The following DPEP1 variants were observed in gnomAD, a reference collection of about 807,000 sequenced individuals.
DPEP1 encodes the protein dipeptidase 1, also known as beta-lactamase.
DPEP1 carries 50 observed loss-of-function variants against 42.3 expected under a neutral mutation model. That is an observed-to-expected ratio of 1.18 (90% CI 0.94 to 1.50). DPEP1 has a LOEUF of 1.50. Ranked by LOEUF, DPEP1 falls within the 40% of genes most tolerant of loss-of-function variation. DPEP1 has a pLI of 0.00. For synonymous variants in DPEP1, 297 were observed against 234.0 expected, an observed-to-expected ratio of 1.27 and a Z score of -2.46; for missense variants, 663 against 553.0, an observed-to-expected ratio of 1.20 and a Z score of -1.99.
intron 1 of DPEP1, among the ~76,000 whole-genome samples, chr16:89,615,673 G>A (rs551541522): frequency 3.3e-5 from 5 of 152,302 alleles, no homozygotes; most frequent in South Asian, 2.1e-4. Flanking sequence ...CCAGGACCCC[G>A]CCTTGCAGGA....
intron 5 of DPEP1, 68 bp downstream of exon 5, chr16:89,636,751 C>T: frequency 6.3e-7 from 1 of 1,599,770 alleles, no homozygotes; most frequent in Non-Finnish European, 8.5e-7. Context: ...CTCCCTGCCA[C>T]CCTCCAGAGC....
At position 89,627,272 on chromosome 16, in the gene DPEP1, C is replaced by CAAA. The variant is rs751000812; in HGVS notation, c.-106-3018_-106-3016dup. 9.2e-3 allele frequency among the ~76,000 whole-genome samples: 741 copies of CAAA among 80,494 alleles called. 17 individuals carry two copies. Among genetic ancestry groups the CAAA allele is most frequent in the Admixed American group, 0.014 (97 of 6,690 alleles). The allele number at this position is 80,494 out of a possible 152,430, so 52.8% of individuals were successfully genotyped here. A position where few individuals can be genotyped will look rare whatever the true frequency, so the allele number is the denominator to read the frequency against. Reference sequence around the variant, plus strand: ...TGGGCAATAGAGTGAGACTCCGTCTCAAAAAAAAAAAAAAAAAGTCAGATG... The same window carrying CAAA: ...TGGGCAATAGAGTGAGACTCCGTCTCAAAAAAAAAAAAAAAAAAAAGTCAGATG... On this transcript the variant is annotated intron_variant, in intron 1 of 10. Coordinates refer to ENST00000690203, the MANE Select transcript of DPEP1 (RefSeq NM_001389466.1).
chr16:89,618,426 C>G (rs1227498444), intron 1 of DPEP1, among the ~76,000 whole-genome samples: 1 of 152,138 alleles, frequency 6.6e-6, no homozygotes, highest in African/African-American at 2.4e-5. Flanking sequence ...CTATGTTTCC[C>G]AGGCTGGTCT....
Position 89,638,296 on chromosome 16 carries a change from G to A in DPEP1, c.*74G>A. The A allele has an allele frequency of 6.8e-7, 1 of 1,464,392 alleles. No homozygotes were observed. The highest frequency in any genetic ancestry group is 1.4e-5 in the South Asian group (1 of 70,224). The allele number at this position is 1,464,392 out of a possible 1,614,324, so 90.7% of individuals were successfully genotyped here. A position where few individuals can be genotyped will look rare whatever the true frequency, so the allele number is the denominator to read the frequency against. ...ACCCGCCCATCCCAGGACTCCAGAT[G>A]CCAGGAGCCCTGCTGCCCACATGCA... is the stretch of plus-strand genomic sequence containing the variant. On this transcript the variant is annotated 3_prime_UTR_variant, in exon 11 of 11. Transcript: ENST00000690203.
In DPEP1 at chr16:89,638,272, C is replaced by T. The variant is rs2059711190; in HGVS notation, c.*50C>T. 3 of 1,488,882 alleles carry T rather than the reference C, an allele frequency of 2.0e-6. No homozygotes were observed. The highest frequency in any genetic ancestry group is 2.4e-5 in the East Asian group (1 of 42,116). 92.2% of individuals were successfully genotyped at this position (1,488,882 alleles called of 1,614,324 possible). The stretch of plus-strand genomic sequence containing the variant: ...TAGGGTTCCCGGAGCTCCGGGAAGA[C>T]CCGCCCATCCCAGGACTCCAGATGC... On this transcript the variant is annotated 3_prime_UTR_variant, in exon 11 of 11. Transcript: ENST00000690203.
intron 1 of DPEP1, among the ~76,000 whole-genome samples, chr16:89,615,310 C>T (rs938414566): frequency 6.6e-6 from 1 of 152,142 alleles, no homozygotes; most frequent in Non-Finnish European, 1.5e-5. Context: ...ACAGGTCGGG[C>T]TGAGGCTCCC....
intron 2 of DPEP1, 74 bp downstream of exon 2, chr16:89,630,588 A>AACTGGG (rs2059571952): frequency 1.1e-5 from 1 of 93,412 alleles, no homozygotes; most frequent in Non-Finnish European, 2.5e-5. Flanking sequence ...GGGCTGGGGG[A>AACTGGG]GCCGGGGCTG....
chr16:89,614,924 G>T (rs534517777), intron 1 of DPEP1, among the ~76,000 whole-genome samples: 7 of 152,176 alleles, frequency 4.6e-5, no homozygotes, highest in Admixed American at 4.6e-4. Context: ...CTGGGCTAGC[G>T]AAGGGCAGAA....
chr16:89,627,484 G>A (rs552111336), intron 1 of DPEP1, among the ~76,000 whole-genome samples: 77 of 150,394 alleles, frequency 5.1e-4, no homozygotes, highest in African/African-American at 1.3e-3. Context: ...TCCGGAGGCC[G>A]AGGCATGAGA....
In DPEP1 at chr16:89,637,665, C is replaced by T. The variant is rs375079646; in HGVS notation, c.887C>T (p.Ala296Val). 153 of 1,612,898 alleles carry T rather than the reference C, an allele frequency of 9.5e-5. No individual in the cohort carries two copies. The highest frequency in any genetic ancestry group is 1.3e-4 in the Non-Finnish European group (151 of 1,179,998). Reference protein sequence around the residue: ...HLDHIKEVAGARAVGFGGDFD... With the variant: ...HLDHIKEVAGVRAVGFGGDFD... ...GATCACATCAAGGAGGTGGCAGGAGCCAGAGCCGTGGGTTTTGGTGGGGAC... is the reference window on the plus strand; with the variant it reads ...GATCACATCAAGGAGGTGGCAGGAGTCAGAGCCGTGGGTTTTGGTGGGGAC... The change falls in exon 9 of 11, where the codon GCC becomes GTC. Residue 296 changes from alanine to valine, a missense_variant. Coordinates refer to ENST00000690203, the MANE Select transcript of DPEP1 (RefSeq NM_001389466.1).
At chr16:89,620,862 A>AG (rs1014261138) in intron 1 of DPEP1, 2 of 152,254 alleles carry the variant, frequency 1.3e-5, no homozygotes, top group African/African-American at 4.8e-5. Flanking sequence ...GGCTGTAATG[A>AG]GGGCGGAAAG....
chr16:89,616,321 C>A (rs1268748501), intron 1 of DPEP1, among the ~76,000 whole-genome samples: 2 of 152,148 alleles, frequency 1.3e-5, no homozygotes, highest in Non-Finnish European at 2.9e-5. Flanking sequence ...CTGGGTCACC[C>A]ACTCCGGGGC....
intron 1 of DPEP1, among the ~76,000 whole-genome samples, chr16:89,614,782 G>C (rs925477317): frequency 1.3e-5 from 2 of 152,130 alleles, no homozygotes; most frequent in African/African-American, 2.4e-5. Flanking sequence ...GTGACAGAGC[G>C]AGACTCCGTA....
chr16:89,628,778 G>T (rs1014516270), intron 1 of DPEP1, among the ~76,000 whole-genome samples: 1 of 151,844 alleles, frequency 6.6e-6, no homozygotes, highest in Non-Finnish European at 1.5e-5. Flanking sequence ...AGAATATTGG[G>T]CCTGTCTTTA....
chr16:89,636,207 C>CG (rs2059676266), intron 3 of DPEP1, 57 bp from the exon 4 acceptor site: 5 of 1,569,666 alleles, frequency 3.2e-6, no homozygotes, highest in Middle Eastern at 3.6e-4. Context: ...CACAGGCATG[C>CG]GGGGGGTGGG....
Position 89,630,926 on chromosome 16 carries a change from GTC to G in DPEP1, c.104+417_104+418del, listed in dbSNP as rs544076548. Among the ~76,000 whole-genome samples the G allele has an allele frequency of 6.6e-4, 101 of 152,070 alleles. 2 individuals carry two copies. Among genetic ancestry groups the G allele is most frequent in the South Asian group, 2.1e-3 (10 of 4,826 alleles). ...TTCCTGGCCCCTGCTGCTTTGTGGG[GTC>G]TCTCAGGGCCCCCAAAGACTTCAGC... On this transcript the variant is annotated intron_variant, in intron 2 of 10. Coordinates refer to ENST00000690203, the MANE Select transcript of DPEP1 (RefSeq NM_001389466.1).
chr16:89,615,659 G>A (rs1312632215), intron 1 of DPEP1, among the ~76,000 whole-genome samples: 1 of 152,204 alleles, frequency 6.6e-6, no homozygotes, highest in Non-Finnish European at 1.5e-5. Context: ...GGTGAAGTGA[G>A]CCCCCAGGAC....
Position 89,634,548 on chromosome 16 carries a change from C to A in DPEP1, c.105-1360C>A. The stretch of plus-strand genomic sequence containing the variant: ...GCGTTCCCCTTCCTTCTCCTTTCCC[C>A]TTCCTTCTCCTTTCCCTTCCTTCTC... On this transcript the variant is annotated intron_variant, in intron 2 of 10. Transcript: ENST00000690203. Among the ~76,000 whole-genome samples the A allele has an allele frequency of 2.9e-5, 2 of 69,714 alleles. 1 individual carries two copies. The highest frequency in any genetic ancestry group is 6.9e-4 in the East Asian group (2 of 2,914). The allele number at this position is 69,714 out of a possible 152,430, so 45.7% of individuals were successfully genotyped here. A position where few individuals can be genotyped will look rare whatever the true frequency, so the allele number is the denominator to read the frequency against.
chr16:89,638,567 T>A, downstream of DPEP1: 2 of 974,986 alleles, frequency 2.1e-6, no homozygotes, highest in South Asian at 3.2e-5. Flanking sequence ...TCAGGAGGTG[T>A]GAAAAGGGCT....
Sources: allele counts gnomAD v4.1 joint callset (sites outside exome capture counted in the v4.1 genomes callset), GRCh38; gene constraint gnomAD v4.1.1; transcripts MANE v1.5; gene names NCBI Gene and HGNC (gene_info 2026-07-23, HGNC 2026-07-21).